ELMO1: variants seen among roughly 807,000 people sequenced by gnomAD.
The protein encoded by ELMO1 is engulfment and cell motility 1, also known as engulfment and cell motility protein 1.
Under a neutral mutation model 98.9 loss-of-function variants are expected in ELMO1, and 26 were observed. The ratio of observed to expected loss-of-function variants is 0.26; its 90% CI spans 0.19 to 0.36. The LOEUF is 0.36. Among genes scored for constraint, ELMO1 ranks in the 10% least tolerant of loss-of-function variants. ELMO1 has a pLI of 1.00. For missense variants in ELMO1, 627 were observed against 935.2 expected, an observed-to-expected ratio of 0.67 and a Z score of 4.30; for synonymous variants, 346 against 346.0, an observed-to-expected ratio of 1.00 and a Z score of 0.00.
intron 2 of ELMO1, among the ~76,000 whole-genome samples, chr7:37,335,350 G>GA (rs56123624): frequency 0.13 from 20,056 of 152,052 alleles, 1,453 homozygotes; most frequent in Non-Finnish European, 0.17. Context: ...GGCAAGAGAT[G>GA]AAAAAAGACC....
At chr7:37,396,757 A>C (rs1803316879) in intron 1 of ELMO1, among the ~76,000 whole-genome samples, 1 of 152,256 alleles carries the variant, frequency 6.6e-6, no homozygotes. Context: ...TTGAAGGGAC[A>C]TGCAGTTATA....
intron 6 of ELMO1, among the ~76,000 whole-genome samples, chr7:37,244,838 G>T (rs543097696): frequency 1.3e-5 from 2 of 152,042 alleles, no homozygotes; most frequent in Non-Finnish European, 2.9e-5. Context: ...TCTCTCTCAG[G>T]TGGCTTCTTC....
At chr7:36,895,067 T>C (rs1805884274) in intron 16 of ELMO1, 50 bp from the exon 17 acceptor site, 1 of 1,600,750 alleles carries the variant, frequency 6.2e-7, no homozygotes, top group Admixed American at 1.7e-5. Context: ...ACCTTTCCCA[T>C]TCAGAAAAGT....
intron 16 of ELMO1, among the ~76,000 whole-genome samples, chr7:36,946,283 A>G (rs1421784509): frequency 2.0e-5 from 3 of 152,218 alleles, no homozygotes; most frequent in Non-Finnish European, 4.4e-5. Context: ...CCCTGTCAAT[A>G]AAGGAAATTT....
intron 16 of ELMO1, among the ~76,000 whole-genome samples, chr7:36,921,717 T>C (rs192060692): frequency 8.5e-5 from 13 of 152,292 alleles, no homozygotes; most frequent in Admixed American, 7.2e-4. Flanking sequence ...AAAATGCTCT[T>C]CAGTGAAGAA....
At chr7:36,898,852 AAG>A (rs1391150581) in intron 16 of ELMO1, among the ~76,000 whole-genome samples, 1 of 152,208 alleles carries the variant, frequency 6.6e-6, no homozygotes, top group African/African-American at 2.4e-5. Flanking sequence ...GGACAGTGGA[AAG>A]ACACATACTT....
At chr7:37,407,666 A>G (rs1803829523) in intron 1 of ELMO1, among the ~76,000 whole-genome samples, 1 of 152,198 alleles carries the variant, frequency 6.6e-6, no homozygotes, top group African/African-American at 2.4e-5. Flanking sequence ...AGCAATATGC[A>G]GTGAGAGAGG....
At chr7:37,424,159 T>C (rs1222035082) in intron 1 of ELMO1, among the ~76,000 whole-genome samples, 1 of 152,180 alleles carries the variant, frequency 6.6e-6, no homozygotes, top group East Asian at 1.9e-4. Context: ...ATGGTCTTCA[T>C]CAGCCATAAA....
chr7:37,244,820 T>C (rs1160166208), intron 6 of ELMO1, among the ~76,000 whole-genome samples: 1 of 152,156 alleles, frequency 6.6e-6, no homozygotes. Flanking sequence ...TAATTTTACT[T>C]TCTCTTTTCT....
chr7:37,072,911 T>C (rs1242428908), intron 15 of ELMO1, among the ~76,000 whole-genome samples: 1 of 152,236 alleles, frequency 6.6e-6, no homozygotes. Flanking sequence ...ACTCTCAAGT[T>C]GACAAAGAGG....
At chr7:36,883,978 A>G (rs1459260096) in intron 18 of ELMO1, among the ~76,000 whole-genome samples, 1 of 152,066 alleles carries the variant, frequency 6.6e-6, no homozygotes, top group Non-Finnish European at 1.5e-5. Flanking sequence ...GAGAGAGTGG[A>G]GTGATGCAGG....
At chr7:36,960,008 C>T (rs1435090690) in intron 16 of ELMO1, among the ~76,000 whole-genome samples, 2 of 152,140 alleles carry the variant, frequency 1.3e-5, no homozygotes, top group African/African-American at 2.4e-5. Flanking sequence ...CATTCACACC[C>T]GGCCTACAGG....
chr7:36,930,843 C>A lies in ELMO1; in HGVS notation c.1438-35826G>T, dbSNP rs540749871. ...TGTTTTCTAGGGTGAGAAAGACATG[C>A]TTCCTCTCTTTCTGCACAAAGGGGA... On this transcript the variant is annotated intron_variant, in intron 16 of 21. Coordinates refer to ENST00000310758, the MANE Select transcript of ELMO1 (RefSeq NM_014800.11). Among the ~76,000 whole-genome samples the A allele has an allele frequency of 2.6e-5, 4 of 152,326 alleles. No individual in the cohort carries two copies. The South Asian group carries it at 8.3e-4, about 32-fold the overall frequency.
chr7:36,887,506 G>A (rs1370282324), intron 18 of ELMO1, 54 bp downstream of exon 18: 2 of 1,526,400 alleles, frequency 1.3e-6, no homozygotes, highest in African/African-American at 2.7e-5. Context: ...GATTCTCCAG[G>A]GAGCGGGCCA....
At chr7:37,166,221 TTCTC>T (rs1372918598) in intron 13 of ELMO1, among the ~76,000 whole-genome samples, 2 of 152,194 alleles carry the variant, frequency 1.3e-5, no homozygotes, top group Non-Finnish European at 2.9e-5. Context: ...TATTTGATTC[TTCTC>T]TCTTTTTTTC....
rs553498401 is a variant in ELMO1, at chr7:36,956,094, T to C, written c.1437+57205A>G. Among the ~76,000 whole-genome samples the C allele has an allele frequency of 7.2e-5, 11 of 152,336 alleles. No individual in the cohort carries two copies. The South Asian group carries it at 2.1e-3, about 29-fold the overall frequency. On this transcript the variant is annotated intron_variant, in intron 16 of 21. Coordinates refer to ENST00000310758, the MANE Select transcript of ELMO1 (RefSeq NM_014800.11). ...TCCACCTCAAATTTATTTATCTCAA[T>C]ACCTGTTCCCTTTCTGAGAGCCTTT...
chr7:36,886,674 C>A (rs765155794), intron 18 of ELMO1, among the ~76,000 whole-genome samples: 1 of 152,144 alleles, frequency 6.6e-6, no homozygotes, highest in Non-Finnish European at 1.5e-5. Context: ...GGTATGAAGA[C>A]TCTAGCTGTG....
chr7:37,066,827 G>T (rs1263914216), intron 15 of ELMO1, among the ~76,000 whole-genome samples: 1 of 152,174 alleles, frequency 6.6e-6, no homozygotes, highest in East Asian at 1.9e-4. Context: ...GAGCTTGCAT[G>T]ATTTTTAGGG....
chr7:37,018,652 T>A (rs983816814), intron 15 of ELMO1, among the ~76,000 whole-genome samples: 5 of 151,830 alleles, frequency 3.3e-5, no homozygotes, highest in Non-Finnish European at 7.4e-5. Context: ...AATTTTTGTG[T>A]TTTTAGTAGA....
Sources: gnomAD v4.1 joint callset for allele counts (sites outside exome capture counted in the v4.1 genomes callset) on GRCh38, gnomAD v4.1.1 for gene constraint, MANE v1.5 for transcripts, NCBI Gene and HGNC (gene_info 2026-07-23, HGNC 2026-07-21) for gene names.